The following INTS2 variants were observed in gnomAD, a reference collection of about 807,000 sequenced individuals.
INTS2 encodes integrator complex subunit 2.
INTS2 carries 57 observed loss-of-function variants against 139.6 expected under a neutral mutation model. The ratio of observed to expected loss-of-function variants is 0.41; its 90% confidence interval spans 0.33 to 0.51. INTS2 has a LOEUF of 0.51. INTS2 is among the 20% of genes least tolerant of loss of function. The probability of loss-of-function intolerance (pLI) is 0.28; values close to 1 mark genes in which losing one functional copy is unlikely to be tolerated. For missense variants in INTS2, 1,196 were observed against 1,436.7 expected, an observed-to-expected ratio of 0.83 and a Z score of 2.71; for synonymous variants, 473 against 493.4, an observed-to-expected ratio of 0.96 and a Z score of 0.55.
chr17:61,897,402 C>T lies in INTS2; in HGVS notation c.1494+67G>A. ...TACTTAAATGAAAACAATCTATTTA[C>T]ACTACAACAAAATGTCCAGCTTAGA... is the stretch of plus-strand genomic sequence containing the variant. On this transcript the variant is annotated intron_variant, in intron 11 of 24. Transcript: ENST00000251334. The surrounding 1 kb of genome is among the most constrained non-coding windows in gnomAD (Gnocchi z 4.4). 1.1e-6 allele frequency: 1 copy of T among 891,938 alleles called. No homozygotes were observed. The highest frequency in any genetic ancestry group is 1.7e-6 in the Non-Finnish European group (1 of 582,566). 55.3% of individuals were successfully genotyped at this position (891,938 alleles called of 1,614,324 possible). A position where few individuals can be genotyped will look rare whatever the true frequency, so the allele number is the denominator to read the frequency against.
intron 9 of INTS2, among the ~76,000 whole-genome samples, chr17:61,900,683 C>T (rs1463331726): frequency 6.6e-6 from 1 of 152,130 alleles, no homozygotes; most frequent in Non-Finnish European, 1.5e-5. Context: ...ATCGGCCAGA[C>T]GTGGTGGCTC....
intron 3 of INTS2, among the ~76,000 whole-genome samples, chr17:61,922,529 TATATATATATATATATAC>T (rs2079656034): frequency 8.7e-6 from 1 of 114,364 alleles, no homozygotes. Context: ...TATATATATA[TATATATATATATATATAC>T]GTGTTCAATT....
chr17:61,909,247 G>A lies in INTS2; in HGVS notation c.955-1613C>T, dbSNP rs1031382393. ...CTGCCTCAGCCTCCCGAGTAGCTGG[G>A]ACTACAGGCACGCACATCACGCTCA... On this transcript the variant is annotated intron_variant, in intron 7 of 24. Coordinates refer to ENST00000251334, the MANE Select transcript of INTS2 (RefSeq NM_001351695.2). This position sits in a 1 kb window ranked among gnomAD's most constrained non-coding sequence, Gnocchi z 4.9. Among the ~76,000 whole-genome samples the A allele has an allele frequency of 1.3e-5, 2 of 152,006 alleles. No homozygotes were observed. Among genetic ancestry groups the A allele is most frequent in the Non-Finnish European group, 2.9e-5 (2 of 68,020 alleles).
rs778556122 is a variant in INTS2, at chr17:61,891,591, C to A, written c.1797G>T (p.Ala599=). ...TTGTGGCTTCTGGATTAGATTTCGA[C>A]GCAGGAGTAAGTATAGAATTTATGT... ...DVYINSILTP[A]SKSNPEATNQ... is the part of the protein sequence containing the mutation. The change falls in exon 14 of 25, where the codon GCG becomes GCT. Residue 599 remains alanine, a synonymous_variant. Transcript: ENST00000251334. The A allele has an allele frequency of 1.2e-6, 2 of 1,613,310 alleles. No homozygotes were observed. The highest frequency in any genetic ancestry group is 1.7e-6 in the Non-Finnish European group (2 of 1,179,582).
rs1215037495 is a variant in INTS2 at position 61,909,322 on chromosome 17, G to C, written c.955-1688C>G. 6.6e-6 allele frequency among the ~76,000 whole-genome samples: 1 copy of C among 152,090 alleles called. No individual in the cohort carries two copies. The highest frequency in any genetic ancestry group is 1.5e-5 in the Non-Finnish European group (1 of 68,002). Reference sequence around the variant, plus strand: ...GACAGGGTTTCACCATGTTGGCCAGGATGGTCTCCCTCTCTTGACCTTGTG... The same window carrying C: ...GACAGGGTTTCACCATGTTGGCCAGCATGGTCTCCCTCTCTTGACCTTGTG... On this transcript the variant is annotated intron_variant, in intron 7 of 24. Transcript: ENST00000251334. The surrounding 1 kb of genome is among the most constrained non-coding windows in gnomAD (Gnocchi z 4.9).
chr17:61,898,355 C>T (rs1299145861), intron 9 of INTS2, among the ~76,000 whole-genome samples: 1 of 152,036 alleles, frequency 6.6e-6, no homozygotes, highest in African/African-American at 2.4e-5. Context: ...AGTGCAGTGG[C>T]GCAATCATAG....
At chr17:61,921,585 T>C (rs1313933208) in intron 4 of INTS2, 140 bp downstream of exon 4, 3 of 438,446 alleles carry the variant, frequency 6.8e-6, no homozygotes, top group Non-Finnish European at 1.3e-5. Context: ...GTCCAACTAT[T>C]AGTCACTTTT....
At chr17:61,888,667 A>G (rs1403595638) in intron 15 of INTS2, among the ~76,000 whole-genome samples, 2 of 151,752 alleles carry the variant, frequency 1.3e-5, no homozygotes, top group African/African-American at 4.8e-5. Context: ...CAGCCTCCCA[A>G]AGTACCAAAG....
chr17:61,924,693 G>T (rs1306339304), intron 3 of INTS2, among the ~76,000 whole-genome samples: 1 of 152,026 alleles, frequency 6.6e-6, no homozygotes, highest in Non-Finnish European at 1.5e-5. Context: ...GCTGGGCGTG[G>T]TGGCGGGCAC....
intron 16 of INTS2, among the ~76,000 whole-genome samples, chr17:61,884,542 C>A (rs953480185): frequency 2.6e-5 from 4 of 151,862 alleles, no homozygotes; most frequent in Non-Finnish European, 5.9e-5. Flanking sequence ...CAATACTATT[C>A]AGAGTTAAAA....
chr17:61,869,863 A>T lies in INTS2; in HGVS notation c.2904T>A (p.Asn968Lys). The T allele has an allele frequency of 2.5e-6, 4 of 1,613,846 alleles. No individual in the cohort carries two copies. The highest frequency in any genetic ancestry group is 3.4e-6 in the Non-Finnish European group (4 of 1,179,804). The change falls in exon 21 of 25, where the codon AAT becomes AAA. Residue 968 changes from asparagine (N) to lysine (K), a missense_variant. Physicochemically the swap from Asn to Lys is moderately conservative, Grantham distance 94 (BLOSUM62 0). Coordinates refer to ENST00000251334, the MANE Select transcript of INTS2 (RefSeq NM_001351695.2). This position sits in a 1 kb window ranked among gnomAD's most constrained non-coding sequence, Gnocchi z 5.4. ...TGTCTTCTCCTTCCTCCATTCCCTTATTTGGAGCGCTGGTGGTAATAACAC... is the reference window on the plus strand; with the variant it reads ...TGTCTTCTCCTTCCTCCATTCCCTTTTTTGGAGCGCTGGTGGTAATAACAC... Reference protein sequence around the residue: ...VQSVITTSAPNKGMEEGEDNL... With the variant: ...VQSVITTSAPKKGMEEGEDNL...
chr17:61,871,165 G>A lies in INTS2; in HGVS notation c.2778+1100C>T, dbSNP rs1235834770. 6.6e-6 allele frequency among the ~76,000 whole-genome samples: 1 copy of A among 152,142 alleles called. No homozygotes were observed. The highest frequency in any genetic ancestry group is 1.5e-5 in the Non-Finnish European group (1 of 68,032). ...AGATGGAGTCTCGCTCTGTCGCCCA[G>A]GCTGTAGTGCAGAGGCACGATCTCA... On this transcript the variant is annotated intron_variant, in intron 20 of 24. Transcript: ENST00000251334. This position sits in a 1 kb window ranked among gnomAD's most constrained non-coding sequence, Gnocchi z 4.9.
In INTS2 at chr17:61,869,066, A is replaced by G; in HGVS notation, c.3212T>C (p.Leu1071Ser). The change falls in exon 23 of 25, where the codon TTA (leucine) becomes TCA (serine). Residue 1071 changes from leucine (L) to serine (S), a missense_variant. This residue lies in a region of INTS2 where 1,129 missense variants were observed against 1,341.9 expected (regional missense o/e 0.84). Coordinates refer to ENST00000251334, the MANE Select transcript of INTS2 (RefSeq NM_001351695.2). The surrounding 1 kb of genome is among the most constrained non-coding windows in gnomAD (Gnocchi z 5.4). ...ALPKSLSVAR[L>S]AVNVMGTLLT... ...CAAAGTTCCCATGACATTGACAGCT[A>G]AACGAGCCACACTAAGTGACTTTGG... 1.2e-6 allele frequency: 2 copies of G among 1,611,844 alleles called. No homozygotes were observed. Among genetic ancestry groups the G allele is most frequent in the Non-Finnish European group, 1.7e-6 (2 of 1,178,146 alleles).
intron 3 of INTS2, among the ~76,000 whole-genome samples, chr17:61,923,573 T>C (rs1043505367): frequency 6.6e-6 from 1 of 152,146 alleles, no homozygotes; most frequent in East Asian, 1.9e-4. Context: ...CTTTCTCTTT[T>C]TGTCCACAAT....
intron 17 of INTS2, among the ~76,000 whole-genome samples, chr17:61,880,789 G>A (rs559354936): frequency 7.8e-6 from 1 of 128,048 alleles, no homozygotes; most frequent in South Asian, 2.8e-4. Flanking sequence ...GGGAAAGGGG[G>A]AAAGGAGTAA....
chr17:61,927,406 TCAA>T, intron 1 of INTS2: 1 of 162,308 alleles, frequency 6.2e-6, no homozygotes, highest in South Asian at 1.5e-4. Context: ...CAGTCCCCTC[TCAA>T]GGCCGACCGA....
intron 15 of INTS2, among the ~76,000 whole-genome samples, chr17:61,887,483 A>C (rs1300145905): frequency 1.5e-5 from 2 of 130,206 alleles, no homozygotes; most frequent in African/African-American, 3.2e-5. Context: ...ACTCTGTCTC[A>C]AAAAAAAAAA....
intron 9 of INTS2, among the ~76,000 whole-genome samples, chr17:61,903,977 A>G (rs1462568798): frequency 6.6e-6 from 1 of 152,220 alleles, no homozygotes; most frequent in Non-Finnish European, 1.5e-5. Flanking sequence ...ATAAACAGCT[A>G]AAAGAATTGA....
intron 16 of INTS2, among the ~76,000 whole-genome samples, chr17:61,883,943 G>T (rs1402222221): frequency 6.6e-6 from 1 of 151,426 alleles, no homozygotes; most frequent in Non-Finnish European, 1.5e-5. Flanking sequence ...AGGAGTTTGA[G>T]GCTGCAGTTA....
Sources: allele counts gnomAD v4.1 joint callset (sites outside exome capture counted in the v4.1 genomes callset), GRCh38; gene constraint gnomAD v4.1.1; regional missense constraint gnomAD v4.1.1; non-coding constraint Gnocchi (gnomAD v3.1); transcripts MANE v1.5; gene names NCBI Gene and HGNC (gene_info 2026-07-23, HGNC 2026-07-21).